CRMP1: variants seen among roughly 807,000 people sequenced by gnomAD.
CRMP1 encodes collapsin response mediator protein 1.
CRMP1 carries 19 observed loss-of-function variants against 68.3 expected under a neutral mutation model. The observed-to-expected ratio is 0.28, with a 90% CI of 0.19 to 0.41. The LOEUF (loss-of-function observed/expected upper bound fraction) is 0.41, where lower values mean the gene tolerates loss of function less well. Ranked by LOEUF, CRMP1 falls within the 10% of genes least tolerant of loss-of-function variation. CRMP1 has a pLI of 1.00. For synonymous variants in CRMP1, 439 were observed against 399.6 expected (o/e 1.10, Z -1.18); for missense variants, 791 against 967.4 (o/e 0.82, Z 2.42).
rs908670876 is a variant in CRMP1 at position 5,866,016 on chromosome 4, G to A, written c.470+652C>T. Among the ~76,000 whole-genome samples the A allele has an allele frequency of 7.2e-5, 11 of 152,164 alleles. No homozygotes were observed. Among genetic ancestry groups the A allele is most frequent in the Non-Finnish European group, 1.6e-4 (11 of 68,038 alleles). On this transcript the variant is annotated intron_variant, in intron 2 of 13. Coordinates refer to ENST00000324989, the MANE Select transcript of CRMP1 (RefSeq NM_001014809.3). This position sits in a 1 kb window ranked among gnomAD's most constrained non-coding sequence, Gnocchi z 5.9. ...CTTGATCCGGGACTTCCAGCCTCCAGAACTATGAGAAATAAACTTCTGCTG... is the reference window on the plus strand; with the variant it reads ...CTTGATCCGGGACTTCCAGCCTCCAAAACTATGAGAAATAAACTTCTGCTG...
chr4:5,849,484 T>C lies in CRMP1; in HGVS notation c.883-12A>G. The C allele has an allele frequency of 6.3e-7, 1 of 1,579,734 alleles. No individual in the cohort carries two copies. The highest frequency in any genetic ancestry group is 8.6e-7 in the Non-Finnish European group (1 of 1,156,078). Reference sequence around the variant, plus strand: ...AAGGCTTCATAGAGCTATGGAGAGATAAACAGGGGTTGGTGTGAGATTTAA... The same window carrying C: ...AAGGCTTCATAGAGCTATGGAGAGACAAACAGGGGTTGGTGTGAGATTTAA... On this transcript the variant is annotated splice_polypyrimidine_tract_variant and intron_variant, in intron 5 of 13. Coordinates refer to ENST00000324989, the MANE Select transcript of CRMP1 (RefSeq NM_001014809.3).
At chr4:5,830,174 T>C (rs989747498) in intron 11 of CRMP1, among the ~76,000 whole-genome samples, 8 of 152,238 alleles carry the variant, frequency 5.3e-5, no homozygotes, top group Non-Finnish European at 1.2e-4. Context: ...TTGCACATTA[T>C]TCTATTTCTC....
Position 5,860,168 on chromosome 4 carries a change from T to C in CRMP1, c.655+858A>G, listed in dbSNP as rs1273630704. ...GTGGCACAGTGTGCTCCTGTCAACTTTGGGCTCGGCCACATGACTGACCTT... is the reference window on the plus strand; with the variant it reads ...GTGGCACAGTGTGCTCCTGTCAACTCTGGGCTCGGCCACATGACTGACCTT... On this transcript the variant is annotated intron_variant, in intron 3 of 13. Coordinates refer to ENST00000324989, the MANE Select transcript of CRMP1 (RefSeq NM_001014809.3). This position sits in a 1 kb window ranked among gnomAD's most constrained non-coding sequence, Gnocchi z 4.2. 1.3e-5 allele frequency among the ~76,000 whole-genome samples: 2 copies of C among 152,008 alleles called. No homozygotes were observed. The highest frequency in any genetic ancestry group is 2.4e-5 in the African/African-American group (1 of 41,388).
chr4:5,840,671 G>A (rs1405461399), intron 8 of CRMP1, among the ~76,000 whole-genome samples: 2 of 152,188 alleles, frequency 1.3e-5, no homozygotes, highest in Non-Finnish European at 2.9e-5. Context: ...ATAGCCACGT[G>A]TGGTTAGTGG....
chr4:5,879,901 A>C lies in CRMP1; in HGVS notation c.381+12688T>G, dbSNP rs1213478602. Among the ~76,000 whole-genome samples the C allele has an allele frequency of 6.6e-6, 1 of 152,224 alleles. No homozygotes were observed. The highest frequency in any genetic ancestry group is 6.5e-5 in the Admixed American group (1 of 15,280). On this transcript the variant is annotated intron_variant, in intron 1 of 13. Transcript: ENST00000324989. The surrounding 1 kb of genome is among the most constrained non-coding windows in gnomAD (Gnocchi z 4.2). The stretch of plus-strand genomic sequence containing the variant: ...AGGAAAGGAAAATGAAAGAAAGTAA[A>C]GGAAAACCTAACACCGTATGCGGAA...
rs764000798 is a variant in CRMP1, at chr4:5,855,479, G to A, written c.820+664C>T. On this transcript the variant is annotated intron_variant, in intron 4 of 13. Transcript: ENST00000324989. This position sits in a 1 kb window ranked among gnomAD's most constrained non-coding sequence, Gnocchi z 4.9. Reference sequence around the variant, plus strand: ...TCTTCTGATCAGTTCCCCCCAGTTCGATGTAACACACACCATAAAGGTCTA... The same window carrying A: ...TCTTCTGATCAGTTCCCCCCAGTTCAATGTAACACACACCATAAAGGTCTA... Among the ~76,000 whole-genome samples, 3 of 151,968 alleles carry A rather than the reference G, an allele frequency of 2.0e-5. No homozygotes were observed. Among genetic ancestry groups the A allele is most frequent in the South Asian group, 2.1e-4 (1 of 4,816 alleles).
chr4:5,888,217 G>A lies in CRMP1; in HGVS notation c.381+4372C>T. On this transcript the variant is annotated intron_variant, in intron 1 of 13. Transcript: ENST00000324989. This position sits in a 1 kb window ranked among gnomAD's most constrained non-coding sequence, Gnocchi z 6.4. The stretch of plus-strand genomic sequence containing the variant: ...GGCCAGCGCGGGGCGGCGGGGGCGG[G>A]GGCCGCTTACCGTGATGTGCGGGAT... 2.4e-6 allele frequency: 3 copies of A among 1,266,088 alleles called. No individual in the cohort carries two copies. The highest frequency in any genetic ancestry group is 3.0e-6 in the Non-Finnish European group (3 of 1,000,988). 78.4% of individuals were successfully genotyped at this position (1,266,088 alleles called of 1,614,324 possible).
At chr4:5,868,290 T>TATATATATATATA (rs1205965019) in intron 1 of CRMP1, among the ~76,000 whole-genome samples, 1 of 131,396 alleles carries the variant, frequency 7.6e-6, no homozygotes, top group African/African-American at 3.3e-5. Flanking sequence ...TATATATATA[T>TATATATATATATA]ATATATATAT....
rs1713039665 is a variant in CRMP1, at chr4:5,856,150, C to G, written c.813G>C (p.Gln271His). 6.2e-7 allele frequency: 1 copy of G among 1,613,938 alleles called. No individual in the cohort carries two copies. The highest frequency in any genetic ancestry group is 1.3e-5 in the African/African-American group (1 of 75,028). Reference sequence around the variant, plus strand: ...TCCGAGGCTTTAACTGACCTTTGTCCTGCACCAGCACCTCCAGCTCCTCCC... The same window carrying G: ...TCCGAGGCTTTAACTGACCTTTGTCGTGCACCAGCACCTCCAGCTCCTCCC... ...GVREELEVLV[Q>H]DKGVNSFQVY... Residue 271 changes from glutamine (Q) to histidine (H), a missense_variant, in exon 4 of 14, where the codon CAG becomes CAC. Coordinates refer to ENST00000324989, the MANE Select transcript of CRMP1 (RefSeq NM_001014809.3).
Position 5,843,974 on chromosome 4 carries a change from A to AT in CRMP1, c.964-814_964-813insA, listed in dbSNP as rs1711990076. Among the ~76,000 whole-genome samples the AT allele has an allele frequency of 6.6e-6, 1 of 151,912 alleles. No homozygotes were observed. Among genetic ancestry groups the AT allele is most frequent in the Non-Finnish European group, 1.5e-5 (1 of 67,992 alleles). The stretch of plus-strand genomic sequence containing the variant: ...TTTAATTTCTAAAATAAAAAATAAA[A>AT]AAAAAATTTGACATTGCCCAGATGC... On this transcript the variant is annotated intron_variant, in intron 6 of 13. Coordinates refer to ENST00000324989, the MANE Select transcript of CRMP1 (RefSeq NM_001014809.3). This position sits in a 1 kb window ranked among gnomAD's most constrained non-coding sequence, Gnocchi z 4.1.
In CRMP1 at chr4:5,838,447, G is replaced by A. The variant is rs73208607; in HGVS notation, c.1310+1075C>T. ...CTGACAGCAGACTGTGATGGGTAGG[G>A]TGGGGTGGGCCCGTGTGGAAATAGA... On this transcript the variant is annotated intron_variant, in intron 9 of 13. Coordinates refer to ENST00000324989, the MANE Select transcript of CRMP1 (RefSeq NM_001014809.3). The surrounding 1 kb of genome is among the most constrained non-coding windows in gnomAD (Gnocchi z 4.9). Among the ~76,000 whole-genome samples, 2,103 of 152,208 alleles carry A rather than the reference G, an allele frequency of 0.014. 25 individuals are homozygous for A. Among genetic ancestry groups the A allele is most frequent in the South Asian group, 0.039 (190 of 4,816 alleles).
intron 6 of CRMP1, among the ~76,000 whole-genome samples, chr4:5,844,443 A>C (rs1712030533): frequency 6.6e-6 from 1 of 152,150 alleles, no homozygotes; most frequent in Non-Finnish European, 1.5e-5. Context: ...AGGGAGGATG[A>C]AAGATGACAT....
rs1449890270 is a variant in CRMP1, at chr4:5,836,784, A to G, written c.1433T>C (p.Val478Ala). 29 of 1,613,874 alleles carry G rather than the reference A, an allele frequency of 1.8e-5. No homozygotes were observed. Among genetic ancestry groups the G allele is most frequent in the Non-Finnish European group, 2.4e-5 (28 of 1,179,896 alleles). The change falls in exon 10 of 14, where the codon GTC becomes GCC. Residue 478 changes from valine to alanine, a missense_variant. By Grantham distance (64) the Val-to-Ala change is moderately conservative. Transcript: ENST00000324989. ...CCTTACCACCGCCTTGTCCCAGACG[A>G]CCGTCATCCGCTCCTCTATCCCGTT... ...GVNGIEERMTVVWDKAVATGK... is the reference protein window; with the variant it reads ...GVNGIEERMTAVWDKAVATGK...
At chr4:5,823,474 T>C (rs1280584879) in intron 13 of CRMP1, among the ~76,000 whole-genome samples, 1 of 152,250 alleles carries the variant, frequency 6.6e-6, no homozygotes, top group Non-Finnish European at 1.5e-5. Flanking sequence ...TTTGGACTTT[T>C]GTCCCCCAAA....
intron 1 of CRMP1, among the ~76,000 whole-genome samples, chr4:5,871,156 G>A (rs149261233): frequency 1.3e-3 from 197 of 152,294 alleles, no homozygotes; most frequent in African/African-American, 4.5e-3. Context: ...CAAGCCCTTA[G>A]TGTCTCTCAG....
At chr4:5,826,963 A>G (rs932013984) in intron 12 of CRMP1, 1 of 152,452 alleles carries the variant, frequency 6.6e-6, no homozygotes, top group Non-Finnish European at 1.5e-5. Context: ...GCCTCACTGT[A>G]TCCTGTGCAT....
chr4:5,887,390 T>A (rs28550375), intron 1 of CRMP1: 464,709 of 985,280 alleles, frequency 0.47, 114,977 homozygotes, highest in East Asian at 0.74. Context: ...CCTGCATACA[T>A]GGGCTCCAGT....
rs962366071 is a variant in CRMP1 at position 5,893,034 on chromosome 4, T to A, written c.-65A>T. On this transcript the variant is annotated 5_prime_UTR_variant, in exon 1 of 14. Coordinates refer to ENST00000324989, the MANE Select transcript of CRMP1 (RefSeq NM_001014809.3). ...CCGCCCGCGGCCCTGGGCACCGCCG[T>A]GCGCCGCGCTCCGCGCCTCGGTGCG... The A allele has an allele frequency of 1.9e-6, 2 of 1,043,846 alleles. No homozygotes were observed. Among genetic ancestry groups the A allele is most frequent in the Admixed American group, 5.4e-5 (1 of 18,642 alleles). 64.7% of individuals were successfully genotyped at this position (1,043,846 alleles called of 1,614,324 possible).
At position 5,841,228 on chromosome 4, in the gene CRMP1, G is replaced by T; in HGVS notation, c.1153+80C>A. 1 of 1,609,318 alleles carries T rather than the reference G, an allele frequency of 6.2e-7. No individual in the cohort carries two copies. The highest frequency in any genetic ancestry group is 1.1e-5 in the South Asian group (1 of 90,740). On this transcript the variant is annotated intron_variant, in intron 8 of 13. Transcript: ENST00000324989. This position sits in a 1 kb window ranked among gnomAD's most constrained non-coding sequence, Gnocchi z 6.9. ...TCCTCCGGCTGCCTGTCTGAGTTCG[G>T]GAGGGAGTGAACTTGAACCTGCAGG...
Sources: gnomAD v4.1 joint callset for allele counts (sites outside exome capture counted in the v4.1 genomes callset) on GRCh38, gnomAD v4.1.1 for gene constraint, Gnocchi (gnomAD v3.1) non-coding constraint, MANE v1.5 for transcripts, NCBI Gene and HGNC (gene_info 2026-07-23, HGNC 2026-07-21) for gene names.